SEMA6A: variants seen among roughly 807,000 people sequenced by gnomAD.
The protein encoded by SEMA6A is semaphorin-6A.
Under a neutral mutation model 96.8 loss-of-function variants are expected in SEMA6A, and 25 were observed. The observed-to-expected ratio is 0.26, with a 90% confidence interval of 0.19 to 0.36. The LOEUF is 0.36. SEMA6A is among the 10% of genes least tolerant of loss of function. SEMA6A has a pLI of 1.00. For missense variants in SEMA6A, 1,363 were observed against 1,323.1 expected, an observed-to-expected ratio of 1.03 and a Z score of -0.47; for synonymous variants, 612 against 518.0, an observed-to-expected ratio of 1.18 and a Z score of -2.46.
intron 4 of SEMA6A, among the ~76,000 whole-genome samples, chr5:116,496,923 A>G (rs1757631167): frequency 6.6e-6 from 1 of 152,238 alleles, no homozygotes; most frequent in South Asian, 2.1e-4. Flanking sequence ...GTAACGATCA[A>G]GTTCCTGAAC....
intron 3 of SEMA6A, among the ~76,000 whole-genome samples, chr5:116,501,653 C>T (rs543066519): frequency 1.3e-5 from 2 of 152,182 alleles, no homozygotes; most frequent in African/African-American, 2.4e-5. Context: ...TTTGGGAGGC[C>T]GAGGTGGGTG....
chr5:116,454,629 T>C (rs550871726), intron 18 of SEMA6A, among the ~76,000 whole-genome samples: 1 of 152,240 alleles, frequency 6.6e-6, no homozygotes, highest in Non-Finnish European at 1.5e-5. Context: ...GTGACCACGC[T>C]GAAAGTGAAA....
chr5:116,531,862 C>T (rs1245768409), intron 1 of SEMA6A, among the ~76,000 whole-genome samples: 1 of 152,038 alleles, frequency 6.6e-6, no homozygotes, highest in East Asian at 1.9e-4. Context: ...TTACTTGTTC[C>T]TAACTGTCCT....
rs1368232372 is a variant in SEMA6A, at chr5:116,445,323, A to AAAAC, written c.*1286_*1289dup. 1.3e-5 allele frequency: 2 copies of AAAAC among 152,796 alleles called. No individual in the cohort carries two copies. The highest frequency in any genetic ancestry group is 3.9e-4 in the East Asian group (2 of 5,190). The allele number at this position is 152,796 out of a possible 1,614,324, so 9.5% of individuals were successfully genotyped here. A position where few individuals can be genotyped will look rare whatever the true frequency, so the allele number is the denominator to read the frequency against. ...GTGTAAGGCACAAATTTACATGTGG[A>AAAAC]AAACAGGCTATTCACAGATGTAACC... On this transcript the variant is annotated 3_prime_UTR_variant, in exon 19 of 19. Coordinates refer to ENST00000343348, the MANE Select transcript of SEMA6A (RefSeq NM_020796.5).
Position 116,551,314 on chromosome 5 carries a change from G to GCACACA in SEMA6A, c.-39+22870_-39+22871insTGTGTG, listed in dbSNP as rs1266065765. On this transcript the variant is annotated intron_variant, in intron 1 of 18. Coordinates refer to ENST00000343348, the MANE Select transcript of SEMA6A (RefSeq NM_020796.5). The stretch of plus-strand genomic sequence containing the variant: ...GAATCAATTCTGCATGATAGTCTTA[G>GCACACA]CATACACACACACACACACACACAC... Among the ~76,000 whole-genome samples, 6 of 44,032 alleles carry GCACACA rather than the reference G, an allele frequency of 1.4e-4. No homozygotes were observed. The East Asian group carries it at 6.2e-3, about 46-fold the overall frequency. The allele number at this position is 44,032 out of a possible 152,430, so 28.9% of individuals were successfully genotyped here.
intron 18 of SEMA6A, among the ~76,000 whole-genome samples, chr5:116,465,207 T>TTCAAGTTA (rs1355422454): frequency 6.6e-6 from 1 of 152,104 alleles, no homozygotes; most frequent in East Asian, 1.9e-4. Context: ...CACAGATTCG[T>TTCAAGTTA]TCAAGTTAAG....
At chr5:116,461,652 G>C (rs934271533) in intron 18 of SEMA6A, among the ~76,000 whole-genome samples, 1 of 152,134 alleles carries the variant, frequency 6.6e-6, no homozygotes, top group Non-Finnish European at 1.5e-5. Context: ...CTGAAAAACT[G>C]TTTCACAGTT....
chr5:116,572,513 C>T (rs1761264335), intron 1 of SEMA6A, among the ~76,000 whole-genome samples: 1 of 152,234 alleles, frequency 6.6e-6, no homozygotes, highest in South Asian at 2.1e-4. Context: ...GGCTCTGCTT[C>T]CTCCCTCCCT....
intron 16 of SEMA6A, 87 bp downstream of exon 16, chr5:116,475,458 C>A: frequency 1.2e-6 from 1 of 847,028 alleles, no homozygotes; most frequent in South Asian, 1.7e-5. Flanking sequence ...CAGCTGCACT[C>A]AGTTCCACAT....
chr5:116,518,506 G>A (rs1445067316), intron 1 of SEMA6A, among the ~76,000 whole-genome samples: 1 of 152,206 alleles, frequency 6.6e-6, no homozygotes, highest in Admixed American at 6.5e-5. Flanking sequence ...GAGGAAAAGT[G>A]AAATTATCCA....
At chr5:116,551,317 T>TACACGCATACACACAC (rs141255034) in intron 1 of SEMA6A, among the ~76,000 whole-genome samples, 1 of 142,414 alleles carries the variant, frequency 7.0e-6, no homozygotes, top group Non-Finnish European at 1.5e-5. Context: ...AGTCTTAGCA[T>TACACGCATACACACAC]ACACACACAC....
At chr5:116,472,429 T>TG (rs1162482697) in intron 17 of SEMA6A, 4 of 153,334 alleles carry the variant, frequency 2.6e-5, no homozygotes, top group Admixed American at 6.5e-5. Flanking sequence ...TGGAAAGTTT[T>TG]GTCTAATAAG....
intron 6 of SEMA6A, 146 bp from the exon 7 acceptor site, chr5:116,491,976 G>A (rs1757350566): frequency 3.1e-6 from 2 of 641,468 alleles, no homozygotes; most frequent in Admixed American, 2.8e-5. Context: ...TTAAACTGTA[G>A]TTGAGAATCA....
chr5:116,546,502 A>G (rs55920359), intron 1 of SEMA6A, among the ~76,000 whole-genome samples: 26,088 of 152,178 alleles, frequency 0.17, 2,539 homozygotes, highest in Middle Eastern at 0.33. Context: ...GTGTATGCCA[A>G]TCACCTGAAG....
chr5:116,502,228 G>C lies in SEMA6A; in HGVS notation c.200C>G (p.Thr67Ser). ...DIQMIMIMNG[T>S]LYIAARDHIY... ...CCCTTACCTAGCAGCAATGTAGAGGGTTCCGTTCATGATCATAATCATCTG... is the reference window on the plus strand; with the variant it reads ...CCCTTACCTAGCAGCAATGTAGAGGCTTCCGTTCATGATCATAATCATCTG... The change falls in exon 3 of 19, where the codon ACC becomes AGC. Residue 67 changes from threonine to serine, a missense_variant. Coordinates refer to ENST00000343348, the MANE Select transcript of SEMA6A (RefSeq NM_020796.5). 1 of 1,613,862 alleles carries C rather than the reference G, an allele frequency of 6.2e-7. No homozygotes were observed. Among genetic ancestry groups the C allele is most frequent in the Non-Finnish European group, 8.5e-7 (1 of 1,179,782 alleles).
chr5:116,484,066 G>GAAAAAAA (rs542325007), intron 10 of SEMA6A, among the ~76,000 whole-genome samples: 2 of 99,926 alleles, frequency 2.0e-5, no homozygotes, highest in African/African-American at 3.5e-5. Flanking sequence ...TCTGTCTGAA[G>GAAAAAAA]AAAAAAAAAA....
At chr5:116,508,449 G>A (rs995954992) in intron 1 of SEMA6A, among the ~76,000 whole-genome samples, 4 of 152,020 alleles carry the variant, frequency 2.6e-5, no homozygotes, top group Non-Finnish European at 5.9e-5. Flanking sequence ...AACAAGCCAC[G>A]AGGACTGGGA....
intron 1 of SEMA6A, among the ~76,000 whole-genome samples, chr5:116,544,660 T>C (rs942269160): frequency 2.6e-5 from 4 of 152,168 alleles, no homozygotes; most frequent in Admixed American, 6.5e-5. Context: ...TACTGTGATA[T>C]CACCATTTCT....
At chr5:116,484,979 G>T (rs905792488) in intron 10 of SEMA6A, among the ~76,000 whole-genome samples, 3 of 152,192 alleles carry the variant, frequency 2.0e-5, no homozygotes, top group Admixed American at 6.5e-5. Flanking sequence ...TATCCTCAGG[G>T]CAAATGGATT....
Sources: allele counts gnomAD v4.1 joint callset (sites outside exome capture counted in the v4.1 genomes callset), GRCh38; gene constraint gnomAD v4.1.1; transcripts MANE v1.5; gene names NCBI Gene and HGNC (gene_info 2026-07-23, HGNC 2026-07-21).